Variants in TFCP2 observed in about 807,000 individuals in gnomAD.
TFCP2 encodes the protein transcription factor CP2.
TFCP2 carries 33 observed loss-of-function variants against 73.4 expected under a neutral mutation model. That is an observed-to-expected ratio of 0.45 (90% confidence interval 0.34 to 0.60). TFCP2 has a LOEUF of 0.60. Ranked by LOEUF, TFCP2 falls within the 20% of genes least tolerant of loss-of-function variation. TFCP2 has a pLI of 0.01. For missense variants in TFCP2, 352 were observed against 604.0 expected, an observed-to-expected ratio of 0.58 and a Z score of 4.37; for synonymous variants, 193 against 211.6, an observed-to-expected ratio of 0.91 and a Z score of 0.76.
rs760694096 is a variant in TFCP2 at position 51,099,751 on chromosome 12, C to T, written c.1180G>A (p.Val394Ile). 6.8e-6 allele frequency: 11 copies of T among 1,614,070 alleles called. No homozygotes were observed. The highest frequency in any genetic ancestry group is 9.3e-6 in the Non-Finnish European group (11 of 1,180,046). ...RMVRPRLTIY[V>I]CQESLQLREQ... The stretch of plus-strand genomic sequence containing the variant: ...CTCAACTGCAGTGATTCCTGACAAA[C>T]ATAAATGGTTAACCTTGGACGCACC... The change falls in exon 12 of 15, where the codon GTT becomes ATT. Residue 394 changes from valine to isoleucine, a missense_variant. Val to Ile is a conservative substitution (Grantham distance 29). This residue lies in a region of TFCP2 where 194 missense variants were observed against 256.3 expected (regional missense o/e 0.76). Transcript: ENST00000257915.
intron 4 of TFCP2, among the ~76,000 whole-genome samples, chr12:51,112,624 T>C (rs565042702): frequency 2.0e-5 from 3 of 152,276 alleles, no homozygotes; most frequent in African/African-American, 7.2e-5. Flanking sequence ...CCCAGTACTT[T>C]GGGAGGCCAA....
At chr12:51,125,979 C>A (rs1940806105) in intron 1 of TFCP2, among the ~76,000 whole-genome samples, 1 of 151,872 alleles carries the variant, frequency 6.6e-6, no homozygotes, top group African/African-American at 2.4e-5. Flanking sequence ...GCCTGTAATC[C>A]CAGCACTTTG....
intron 1 of TFCP2, among the ~76,000 whole-genome samples, chr12:51,147,023 G>C (rs1483622772): frequency 6.6e-6 from 1 of 152,210 alleles, no homozygotes; most frequent in Non-Finnish European, 1.5e-5. Context: ...TAGTGACTGA[G>C]GGAATAAACC....
At chr12:51,167,685 T>C (rs964901120) in intron 1 of TFCP2, among the ~76,000 whole-genome samples, 3 of 152,148 alleles carry the variant, frequency 2.0e-5, no homozygotes, top group South Asian at 2.1e-4. Context: ...TGCACCACCA[T>C]GCCTGGCCTG....
At chr12:51,114,606 AAAAT>A (rs1033692516) in intron 4 of TFCP2, among the ~76,000 whole-genome samples, 2 of 151,924 alleles carry the variant, frequency 1.3e-5, no homozygotes, top group African/African-American at 4.8e-5. Context: ...CTCCATCTCA[AAAAT>A]AAATAAATAA....
In TFCP2 at chr12:51,172,313, G is replaced by A. The variant is rs754524525; in HGVS notation, c.110C>T (p.Ala37Val). The A allele has an allele frequency of 6.2e-7, 1 of 1,613,982 alleles. No individual in the cohort carries two copies. The highest frequency in any genetic ancestry group is 1.1e-5 in the South Asian group (1 of 91,074). Residue 37 changes from alanine (A) to valine (V), a missense_variant, in exon 1 of 15, where the codon GCC becomes GTC. Physicochemically the swap from Ala to Val is moderately conservative, Grantham distance 64. Coordinates refer to ENST00000257915, the MANE Select transcript of TFCP2 (RefSeq NM_005653.5). Reference protein sequence around the residue: ...SGIGQELGAGAYSMSDVLALP... With the variant: ...SGIGQELGAGVYSMSDVLALP... ...AAATCTCACTCACCTCATGCTATAG[G>A]CACCAGCACCCAGTTCCTGGCCGAT...
Position 51,098,921 on chromosome 12 carries a change from G to A in TFCP2, c.1277-3C>T. Reference sequence around the variant, plus strand: ...TTCTAGATAGATAGCATGGTAAACTGCAAAAGGGAGAGAGCAACAGCAGTC... The same window carrying A: ...TTCTAGATAGATAGCATGGTAAACTACAAAAGGGAGAGAGCAACAGCAGTC... On this transcript the variant is annotated splice_region_variant and splice_polypyrimidine_tract_variant and intron_variant, in intron 12 of 14. Transcript: ENST00000257915. 6.2e-7 allele frequency: 1 copy of A among 1,613,824 alleles called. No homozygotes were observed. The highest frequency in any genetic ancestry group is 8.5e-7 in the Non-Finnish European group (1 of 1,179,850).
In TFCP2 at chr12:51,133,681, C is replaced by T. The variant is rs549028321; in HGVS notation, c.123-14909G>A. On this transcript the variant is annotated intron_variant, in intron 1 of 14. Transcript: ENST00000257915. ...GTGGCTCACGCCTGTAATCCCAGCA[C>T]TTTGGGAGGCTGAGGCGGGCAGATC... is the stretch of plus-strand genomic sequence containing the variant. 5.7e-3 allele frequency among the ~76,000 whole-genome samples: 862 copies of T among 152,238 alleles called. 6 individuals are homozygous for T. Among genetic ancestry groups the T allele is most frequent in the Non-Finnish European group, 7.7e-3 (524 of 68,010 alleles).
chr12:51,123,157 A>G (rs1039705902), intron 1 of TFCP2, among the ~76,000 whole-genome samples: 3 of 152,258 alleles, frequency 2.0e-5, no homozygotes, highest in African/African-American at 7.2e-5. Context: ...CTGGAATTCT[A>G]AAACTGATTC....
intron 1 of TFCP2, among the ~76,000 whole-genome samples, chr12:51,151,715 C>T (rs564214047): frequency 2.0e-5 from 3 of 152,186 alleles, no homozygotes; most frequent in Admixed American, 6.5e-5. Context: ...GGATTACAGG[C>T]GTGAGCCACC....
intron 12 of TFCP2, 61 bp downstream of exon 12, chr12:51,099,594 G>A: frequency 6.3e-7 from 1 of 1,583,492 alleles, no homozygotes; most frequent in South Asian, 1.1e-5. Flanking sequence ...CATCACACAT[G>A]CCCATAAGTT....
rs1318728913 is a variant in TFCP2 at position 51,109,717 on chromosome 12, T to G, written c.565-444A>C. 3.4e-3 allele frequency among the ~76,000 whole-genome samples: 6 copies of G among 1,786 alleles called. No homozygotes were observed. The Non-Finnish European group carries it at 0.065, about 19-fold the overall frequency. 1.2% of individuals were successfully genotyped at this position (1,786 alleles called of 152,430 possible). A position where few individuals can be genotyped will look rare whatever the true frequency, so the allele number is the denominator to read the frequency against. ...TGCATAAAGTCTAAGATTGGTGAAT[T>G]TTTTTTTTTTTTTTTTTTGAGACTA... is the stretch of plus-strand genomic sequence containing the variant. On this transcript the variant is annotated intron_variant, in intron 5 of 14. Coordinates refer to ENST00000257915, the MANE Select transcript of TFCP2 (RefSeq NM_005653.5).
At chr12:51,108,346 G>A (rs1189035694) in intron 6 of TFCP2, among the ~76,000 whole-genome samples, 1 of 151,992 alleles carries the variant, frequency 6.6e-6, no homozygotes, top group African/African-American at 2.4e-5. Flanking sequence ...TTATGACAGT[G>A]GTTTCCTCTG....
At chr12:51,130,416 G>A (rs1393381499) in intron 1 of TFCP2, among the ~76,000 whole-genome samples, 3 of 151,842 alleles carry the variant, frequency 2.0e-5, no homozygotes, top group Non-Finnish European at 2.9e-5. Context: ...AGGCTGTAGC[G>A]AGCCAAGATC....
At chr12:51,115,154 C>T (rs1276011045) in intron 4 of TFCP2, among the ~76,000 whole-genome samples, 4 of 118,446 alleles carry the variant, frequency 3.4e-5, no homozygotes, top group Non-Finnish European at 4.9e-5. Flanking sequence ...GAGTCTCGCT[C>T]TGTCACCCAG....
At position 51,118,140 on chromosome 12, in the gene TFCP2, A is replaced by G. The variant is rs1311172718; in HGVS notation, c.275-393T>C. 3.3e-5 allele frequency among the ~76,000 whole-genome samples: 5 copies of G among 152,236 alleles called. No homozygotes were observed. In the East Asian group the frequency reaches 9.6e-4, roughly 29 times the overall value. On this transcript the variant is annotated intron_variant, in intron 2 of 14. Coordinates refer to ENST00000257915, the MANE Select transcript of TFCP2 (RefSeq NM_005653.5). ...GGACACTAAAAATGGACAGCTAAGC[A>G]AAAGAAGCTAGTAATAGATATCAAG...
chr12:51,121,992 A>AG (rs1317849691), intron 1 of TFCP2, among the ~76,000 whole-genome samples: 1 of 152,196 alleles, frequency 6.6e-6, no homozygotes, highest in East Asian at 1.9e-4. Flanking sequence ...CTATTGACAG[A>AG]AAGTTGACTA....
chr12:51,105,987 A>C (rs796690597), intron 8 of TFCP2, among the ~76,000 whole-genome samples: 6 of 152,382 alleles, frequency 3.9e-5, no homozygotes, highest in African/African-American at 1.4e-4. Flanking sequence ...GTAAAAGATA[A>C]TAAGGCAAGA....
At chr12:51,145,567 CAAAAAAAAAA>C (rs59778550) in intron 1 of TFCP2, among the ~76,000 whole-genome samples, 5 of 49,176 alleles carry the variant, frequency 1.0e-4, no homozygotes, top group Non-Finnish European at 1.7e-4. Context: ...AAGACTATCT[CAAAAAAAAAA>C]AAAAAAAAAA....
Sources: gnomAD v4.1 joint callset for allele counts (sites outside exome capture counted in the v4.1 genomes callset) on GRCh38, gnomAD v4.1.1 for gene constraint, gnomAD v4.1.1 regional missense constraint, MANE v1.5 for transcripts, NCBI Gene and HGNC (gene_info 2026-07-23, HGNC 2026-07-21) for gene names.